PRKD1: variants seen among roughly 807,000 people sequenced by gnomAD.
PRKD1 encodes protein kinase D1, also known as serine/threonine-protein kinase D1.
PRKD1 carries 63 observed loss-of-function variants against 95.9 expected under a neutral mutation model. The ratio of observed to expected loss-of-function variants is 0.66; its 90% CI spans 0.54 to 0.81. The LOEUF is 0.81. PRKD1 is among the 30% of genes least tolerant of loss of function. PRKD1 has a pLI of 0.00. For synonymous variants in PRKD1, 425 were observed against 423.1 expected, an observed-to-expected ratio of 1.00 and a Z score of -0.05; for missense variants, 1,048 against 1,165.3, an observed-to-expected ratio of 0.90 and a Z score of 1.47.
chr14:29,576,926 C>T lies in PRKD1; in HGVS notation c.*312G>A. ...TCTGTCTCTTACCAAAATGAAGCTC[C>T]AGTAAGAAAAACACTGATTTGCAAA... is the stretch of plus-strand genomic sequence containing the variant. On this transcript the variant is annotated 3_prime_UTR_variant, in exon 18 of 18. Transcript: ENST00000331968. 2.7e-6 allele frequency: 1 copy of T among 363,986 alleles called. No individual in the cohort carries two copies. The highest frequency in any genetic ancestry group is 8.7e-4 in the Middle Eastern group (1 of 1,144). 22.5% of individuals were successfully genotyped at this position (363,986 alleles called of 1,614,324 possible). A position where few individuals can be genotyped will look rare whatever the true frequency, so the allele number is the denominator to read the frequency against.
intron 1 of PRKD1, among the ~76,000 whole-genome samples, chr14:29,852,129 AC>A (rs1892333051): frequency 6.6e-6 from 1 of 152,184 alleles, no homozygotes; most frequent in Non-Finnish European, 1.5e-5. Flanking sequence ...CCTAGTGGGT[AC>A]TATGTTCACT....
intron 1 of PRKD1, among the ~76,000 whole-genome samples, chr14:29,784,525 C>G (rs1378198823): frequency 6.6e-6 from 1 of 152,158 alleles, no homozygotes; most frequent in African/African-American, 2.4e-5. Context: ...AATCCATGAG[C>G]ATGGGATGTT....
At chr14:29,882,739 C>G (rs1893556338) in intron 1 of PRKD1, among the ~76,000 whole-genome samples, 1 of 152,210 alleles carries the variant, frequency 6.6e-6, no homozygotes. Flanking sequence ...CAAGTTAAAT[C>G]AGAGAGTATT....
At chr14:29,738,145 C>A (rs1886813415) in intron 1 of PRKD1, among the ~76,000 whole-genome samples, 1 of 152,118 alleles carries the variant, frequency 6.6e-6, no homozygotes, top group African/African-American at 2.4e-5. Context: ...TCTGAAATTT[C>A]TTCAAGTTTG....
intron 2 of PRKD1, among the ~76,000 whole-genome samples, chr14:29,713,301 T>C (rs1443149076): frequency 2.6e-5 from 4 of 152,146 alleles, no homozygotes; most frequent in Non-Finnish European, 5.9e-5. Context: ...CAATCCTGAT[T>C]AACACATTTT....
chr14:29,804,628 T>TA (rs531352605), intron 1 of PRKD1, among the ~76,000 whole-genome samples: 74 of 151,976 alleles, frequency 4.9e-4, no homozygotes, highest in African/African-American at 1.6e-3. Flanking sequence ...AAAATAGAGT[T>TA]ACCACAGTAA....
intron 2 of PRKD1, among the ~76,000 whole-genome samples, chr14:29,671,770 ATGT>A: frequency 6.6e-6 from 1 of 152,338 alleles, no homozygotes; most frequent in South Asian, 2.1e-4. Flanking sequence ...TCCTAACAGA[ATGT>A]TGTTTGCTTA....
intron 1 of PRKD1, among the ~76,000 whole-genome samples, chr14:29,867,036 T>C (rs549927792): frequency 1.2e-3 from 186 of 152,290 alleles, no homozygotes; most frequent in African/African-American, 4.0e-3. Flanking sequence ...TGGACACTTA[T>C]AATTTTCTAA....
At chr14:29,658,596 G>T (rs1882021767) in intron 4 of PRKD1, among the ~76,000 whole-genome samples, 1 of 152,076 alleles carries the variant, frequency 6.6e-6, no homozygotes, top group African/African-American at 2.4e-5. Context: ...CACCAGAAAT[G>T]TCTATAAATC....
At chr14:29,738,012 T>TG (rs1423641237) in intron 1 of PRKD1, among the ~76,000 whole-genome samples, 1 of 152,234 alleles carries the variant, frequency 6.6e-6, no homozygotes, top group African/African-American at 2.4e-5. Context: ...AAAAAATGTA[T>TG]GGGGTGGTTT....
intron 4 of PRKD1, among the ~76,000 whole-genome samples, chr14:29,643,190 G>C (rs1293607421): frequency 6.6e-6 from 1 of 152,044 alleles, no homozygotes; most frequent in African/African-American, 2.4e-5. Context: ...GTAAAATATG[G>C]TAGTGAGATA....
intron 2 of PRKD1, among the ~76,000 whole-genome samples, chr14:29,705,859 C>T (rs1410599757): frequency 6.6e-6 from 1 of 152,074 alleles, no homozygotes; most frequent in Non-Finnish European, 1.5e-5. Context: ...TTTTCTTTAA[C>T]CACCCCTTAG....
At chr14:29,760,595 C>T (rs183117284) in intron 1 of PRKD1, among the ~76,000 whole-genome samples, 55 of 151,834 alleles carry the variant, frequency 3.6e-4, no homozygotes, top group African/African-American at 1.3e-3. Context: ...CCTCTTGATC[C>T]GCCTGCCTCG....
intron 13 of PRKD1, among the ~76,000 whole-genome samples, chr14:29,601,205 T>C (rs529543286): frequency 1.3e-5 from 2 of 152,326 alleles, no homozygotes; most frequent in East Asian, 3.9e-4. Context: ...TACATTGTTG[T>C]AGTTGTCCTC....
chr14:29,595,658 A>C (rs1893271950), intron 16 of PRKD1, among the ~76,000 whole-genome samples: 1 of 152,224 alleles, frequency 6.6e-6, no homozygotes, highest in African/African-American at 2.4e-5. Flanking sequence ...AATAGGCTAT[A>C]GTTACATAGC....
intron 1 of PRKD1, among the ~76,000 whole-genome samples, chr14:29,762,015 T>C (rs2139490411): frequency 6.6e-6 from 1 of 152,202 alleles, no homozygotes; most frequent in South Asian, 2.1e-4. Flanking sequence ...CAAATAATCC[T>C]GCTGCCTTGG....
At chr14:29,926,423 T>C (rs1367438495) in intron 1 of PRKD1, among the ~76,000 whole-genome samples, 2 of 152,132 alleles carry the variant, frequency 1.3e-5, no homozygotes. Flanking sequence ...AGAGGCAACC[T>C]GAAAATCCAA....
intron 13 of PRKD1, among the ~76,000 whole-genome samples, chr14:29,614,707 T>A (rs929716678): frequency 6.4e-4 from 97 of 150,832 alleles, no homozygotes; most frequent in African/African-American, 1.9e-3. Context: ...ACACATATAT[T>A]TTTTTTTTTG....
chr14:29,710,535 A>T (rs1885289225), intron 2 of PRKD1, among the ~76,000 whole-genome samples: 4 of 152,132 alleles, frequency 2.6e-5, no homozygotes, highest in Admixed American at 2.0e-4. Flanking sequence ...AGTCCATGAA[A>T]AACGAGGAAA....
Sources: gnomAD v4.1 joint callset for allele counts (sites outside exome capture counted in the v4.1 genomes callset) on GRCh38, gnomAD v4.1.1 for gene constraint, MANE v1.5 for transcripts, NCBI Gene and HGNC (gene_info 2026-07-23, HGNC 2026-07-21) for gene names.